Variants in FCRL5 observed in about 807,000 individuals in gnomAD.
FCRL5 encodes the protein Fc receptor-like protein 5.
A neutral mutation model predicts 92.1 loss-of-function variants in FCRL5; 79 were observed. The ratio of observed to expected loss-of-function variants is 0.86; its 90% CI spans 0.72 to 1.03. The LOEUF (loss-of-function observed/expected upper bound fraction) is 1.03. Among genes scored for constraint, FCRL5 ranks in the 50% least tolerant of loss-of-function variants. The pLI is 0.00. For synonymous variants in FCRL5, 466 were observed against 469.3 expected (o/e 0.99, Z 0.09); for missense variants, 1,160 against 1,181.1 (o/e 0.98, Z 0.26).
Position 157,544,121 on chromosome 1 carries a change from A to G in FCRL5, c.844+141T>C. 8 of 823,946 alleles carry G rather than the reference A, an allele frequency of 9.7e-6. No homozygotes were observed. In the South Asian group the frequency reaches 1.1e-4, roughly 12 times the overall value. The allele number at this position is 823,946 out of a possible 1,614,324, so 51.0% of individuals were successfully genotyped here. On this transcript the variant is annotated intron_variant, in intron 5 of 16. Coordinates refer to ENST00000361835, the MANE Select transcript of FCRL5 (RefSeq NM_031281.3). ...GCTCTTCTAAGATGTTCACAAGAGTAGAGGTCTCTTTGCTTGCACAACTCC... is the reference window on the plus strand; with the variant it reads ...GCTCTTCTAAGATGTTCACAAGAGTGGAGGTCTCTTTGCTTGCACAACTCC...
intron 5 of FCRL5, 102 bp downstream of exon 5, chr1:157,544,160 A>G: frequency 1.7e-6 from 2 of 1,196,918 alleles, no homozygotes; most frequent in Non-Finnish European, 1.2e-6. Flanking sequence ...TCTCACAGGT[A>G]CGAGTTTTTT....
chr1:157,518,866 T>C (rs1571073037), intron 13 of FCRL5, 84 bp from the exon 14 acceptor site: 1 of 1,116,838 alleles, frequency 9.0e-7, no homozygotes. Context: ...GACTTCTTAC[T>C]GCAGGGTGGC....
intron 15 of FCRL5, among the ~76,000 whole-genome samples, chr1:157,516,567 G>C (rs1365694825): frequency 6.6e-6 from 1 of 152,154 alleles, no homozygotes; most frequent in Non-Finnish European, 1.5e-5. Context: ...TACAGGTATA[G>C]TTCTAAGAGC....
intron 9 of FCRL5, 67 bp downstream of exon 9, chr1:157,527,550 C>G: frequency 2.1e-6 from 3 of 1,462,242 alleles, no homozygotes; most frequent in African/African-American, 1.4e-5. Context: ...TACCTCTGAT[C>G]TTGGCTACTG....
At chr1:157,528,034 T>C in intron 8 of FCRL5, 139 bp from the exon 9 acceptor site, 1 of 990,544 alleles carries the variant, frequency 1.0e-6, no homozygotes, top group Non-Finnish European at 1.4e-6. Flanking sequence ...ATTGTTGCTG[T>C]TCACTGATGA....
chr1:157,544,626 C>T (rs1651441752), intron 4 of FCRL5, 80 bp from the exon 5 acceptor site: 9 of 1,524,364 alleles, frequency 5.9e-6, no homozygotes, highest in African/African-American at 1.4e-5. Context: ...AGCAGCAGCA[C>T]ATCCAAAAGC....
In FCRL5 at chr1:157,518,450, G is replaced by A. The variant is rs1650028201; in HGVS notation, c.2791C>T (p.Gln931Ter). 6.2e-7 allele frequency: 1 copy of A among 1,613,956 alleles called. No individual in the cohort carries two copies. The highest frequency in any genetic ancestry group is 2.2e-5 in the East Asian group (1 of 44,904). Residue 931 changes from glutamine to a stop codon, truncating the protein, a stop_gained, in exon 15 of 17, where the codon CAA (glutamine) becomes TAA (stop). Coordinates refer to ENST00000361835, the MANE Select transcript of FCRL5 (RefSeq NM_031281.3). LOFTEE classifies it high-confidence loss of function. ...TTACCTGCATGTTTCTTTTTCTCTT[G>A]GATGATCCGTACTTCTGAGTAAACC... ...NVVYSEVRII[Q>*]EKKKHAVASD...
At position 157,539,072 on chromosome 1, in the gene FCRL5, A is replaced by G. The variant is rs1400519260; in HGVS notation, c.1402+14T>C. On this transcript the variant is annotated intron_variant, in intron 7 of 16. Transcript: ENST00000361835. ...TGGCCAGGGGTGGGTGATTGGCAGG[A>G]ACCCAGGGCTTACCAGTGACGGAGA... 19 of 1,609,468 alleles carry G rather than the reference A, an allele frequency of 1.2e-5. No homozygotes were observed. Among genetic ancestry groups the G allele is most frequent in the Non-Finnish European group, 1.5e-5 (18 of 1,178,236 alleles).
In FCRL5 at chr1:157,521,015, A is replaced by G. The variant is rs1356056420; in HGVS notation, c.2515+2T>C. ...TCTGTGGCCCGGGCACGGGAAACTTACCTGTGATATAAAGTGTCACTGTCT... is the reference window on the plus strand; with the variant it reads ...TCTGTGGCCCGGGCACGGGAAACTTGCCTGTGATATAAAGTGTCACTGTCT... On this transcript the variant is annotated splice_donor_variant, in intron 11 of 16. Transcript: ENST00000361835. LOFTEE classifies it high-confidence loss of function. 10 of 1,597,938 alleles carry G rather than the reference A, an allele frequency of 6.3e-6. No homozygotes were observed. In the South Asian group the frequency reaches 1.1e-4, roughly 18 times the overall value.
Position 157,549,646 on chromosome 1 carries a change from C to T in FCRL5, c.32-66G>A, listed in dbSNP as rs1171623358. 3 of 1,448,890 alleles carry T rather than the reference C, an allele frequency of 2.1e-6. No homozygotes were observed. The East Asian group carries it at 7.0e-5, about 34-fold the overall frequency. 89.8% of individuals were successfully genotyped at this position (1,448,890 alleles called of 1,614,324 possible). ...ATTATTTTGTTTTAAGAAGATAATT[C>T]CCTTTTTTACCCATGCATGTATTAC... On this transcript the variant is annotated intron_variant, in intron 1 of 16. Coordinates refer to ENST00000361835, the MANE Select transcript of FCRL5 (RefSeq NM_031281.3).
rs1651421347 is a variant in FCRL5, at chr1:157,544,378, G to A, written c.728C>T (p.Pro243Leu). ...CCACATGGCAGTAATCTGGAAATTC[G>A]GGGAGAGACTCCAGCCTAATCCCAG... The part of the protein sequence containing the change: ...QTLGLGWSLS[P>L]NFQITAMWSK... The change falls in exon 5 of 17, where the codon CCG (proline) becomes CTG (leucine). Residue 243 changes from proline (P) to leucine (L), a missense_variant. Transcript: ENST00000361835. 5 of 1,614,166 alleles carry A rather than the reference G, an allele frequency of 3.1e-6. No individual in the cohort carries two copies. The highest frequency in any genetic ancestry group is 3.3e-4 in the Middle Eastern group (2 of 6,062).
intron 6 of FCRL5, chr1:157,542,012 C>G (rs1367056029): frequency 1.3e-5 from 2 of 155,420 alleles, no homozygotes; most frequent in African/African-American, 2.4e-5. Flanking sequence ...CCTTTATAAT[C>G]TCACACATCC....
At chr1:157,539,639 T>C (rs547773013) in intron 6 of FCRL5, among the ~76,000 whole-genome samples, 1 of 152,246 alleles carries the variant, frequency 6.6e-6, no homozygotes, top group Admixed American at 6.5e-5. Context: ...TTTAAATGGT[T>C]CTGTTTTACC....
chr1:157,540,381 G>A (rs1215913501), intron 6 of FCRL5, among the ~76,000 whole-genome samples: 3 of 152,178 alleles, frequency 2.0e-5, no homozygotes, highest in Non-Finnish European at 4.4e-5. Flanking sequence ...CTGAGGCTAT[G>A]GAGGAGCCCT....
At chr1:157,543,539 C>G (rs1353020610) in intron 5 of FCRL5, among the ~76,000 whole-genome samples, 1 of 152,188 alleles carries the variant, frequency 6.6e-6, no homozygotes, top group Non-Finnish European at 1.5e-5. Flanking sequence ...ACTAGGAGAC[C>G]TGCCTGTGTA....
intron 1 of FCRL5, among the ~76,000 whole-genome samples, chr1:157,551,462 A>T (rs1419474863): frequency 6.6e-6 from 1 of 152,220 alleles, no homozygotes; most frequent in Non-Finnish European, 1.5e-5. Flanking sequence ...TATTTTGAAT[A>T]CAGTTTATTA....
chr1:157,544,926 T>A lies in FCRL5; in HGVS notation c.464A>T (p.His155Leu). 1 of 1,614,076 alleles carries A rather than the reference T, an allele frequency of 6.2e-7. No homozygotes were observed. The highest frequency in any genetic ancestry group is 1.1e-5 in the South Asian group (1 of 91,084). ...LNKRTDFHIPHACLKDNGAYR... is the reference protein window; with the variant it reads ...LNKRTDFHIPLACLKDNGAYR... ...TGCACCATTGTCCTTGAGACATGCA[T>A]GAGGAATATGGAAGTCAGTTCTTTT... Residue 155 changes from histidine (H) to leucine (L), a missense_variant, in exon 4 of 17, where the codon CAT becomes CTT. By Grantham distance (99) the His-to-Leu change is moderately conservative (BLOSUM62 -3). Coordinates refer to ENST00000361835, the MANE Select transcript of FCRL5 (RefSeq NM_031281.3).
Position 157,542,938 on chromosome 1 carries a change from C to T in FCRL5, c.1044G>A (p.Glu348=). Residue 348 remains glutamate (E), a synonymous_variant, in exon 6 of 17, where the codon GAG becomes GAA. Transcript: ENST00000361835. ...CTGTGCAGTAGTAGTTCCCTGAATT[C>T]TCTGTAGTCAGTGAGAAGCTGATGG... ...GASISFSLTT[E]NSGNYYCTAD... The T allele has an allele frequency of 6.2e-7, 1 of 1,614,244 alleles. No individual in the cohort carries two copies. The highest frequency in any genetic ancestry group is 8.5e-7 in the Non-Finnish European group (1 of 1,180,044).
Position 157,545,150 on chromosome 1 carries a change from A to G in FCRL5, c.308-68T>C. 2.0e-6 allele frequency: 3 copies of G among 1,531,124 alleles called. No homozygotes were observed. The African/African-American group carries it at 4.2e-5, about 21-fold the overall frequency. The allele number at this position is 1,531,124 out of a possible 1,614,324, so 94.8% of individuals were successfully genotyped here. On this transcript the variant is annotated intron_variant, in intron 3 of 16. Coordinates refer to ENST00000361835, the MANE Select transcript of FCRL5 (RefSeq NM_031281.3). ...TCCCCTTTCTTTTCATTGTTTTTCC[A>G]AGTAGATTTTATTTTAAAAAAATGG...
Sources: gnomAD v4.1 joint callset for allele counts (sites outside exome capture counted in the v4.1 genomes callset) on GRCh38, gnomAD v4.1.1 for gene constraint, MANE v1.5 for transcripts, NCBI Gene and HGNC (gene_info 2026-07-23, HGNC 2026-07-21) for gene names.